TP63: variants seen among roughly 807,000 people sequenced by gnomAD.
TP63 encodes the protein tumor protein p63, also known as tumor protein 63.
TP63 carries 17 observed loss-of-function variants against 82.8 expected under a neutral mutation model. The ratio of observed to expected loss-of-function variants is 0.21; its 90% CI spans 0.14 to 0.31. The LOEUF (loss-of-function observed/expected upper bound fraction) is 0.31, where lower values mean the gene tolerates loss of function less well. Among genes scored for constraint, TP63 ranks in the 10% least tolerant of loss-of-function variants. TP63 has a pLI of 1.00. For synonymous variants in TP63, 330 were observed against 321.7 expected (o/e 1.03, Z -0.28); for missense variants, 648 against 895.3 (o/e 0.72, Z 3.52).
chr3:189,664,739 A>G (rs376144247), intron 1 of TP63, among the ~76,000 whole-genome samples: 51 of 152,260 alleles, frequency 3.3e-4, no homozygotes, highest in African/African-American at 1.2e-3. Flanking sequence ...TTGGATATTA[A>G]ACATAATAAA....
At chr3:189,634,791 A>G (rs535949514) in intron 1 of TP63, among the ~76,000 whole-genome samples, 1 of 152,206 alleles carries the variant, frequency 6.6e-6, no homozygotes, top group African/African-American at 2.4e-5. Context: ...CTTGTACACA[A>G]TAAATTCTGT....
intron 4 of TP63, among the ~76,000 whole-genome samples, chr3:189,863,172 C>G (rs964395178): frequency 6.6e-6 from 1 of 152,140 alleles, no homozygotes; most frequent in African/African-American, 2.4e-5. Flanking sequence ...ACGATTGCAA[C>G]CTGTGTGTGT....
intron 1 of TP63, among the ~76,000 whole-genome samples, chr3:189,732,800 G>A (rs1720270712): frequency 6.6e-6 from 1 of 150,922 alleles, no homozygotes; most frequent in African/African-American, 2.5e-5. Context: ...GAAATACAGA[G>A]CTGAGAGAGA....
intron 11 of TP63, 134 bp downstream of exon 11, chr3:189,886,685 T>A: frequency 7.6e-7 from 1 of 1,319,364 alleles, no homozygotes; most frequent in Non-Finnish European, 1.0e-6. Context: ...GTGGAGTGGC[T>A]TGGGTTTCTG....
rs1718444779 is a variant in TP63, at chr3:189,871,762, C to T, written c.1213-1097C>T. 2.0e-5 allele frequency among the ~76,000 whole-genome samples: 3 copies of T among 152,292 alleles called. No individual in the cohort carries two copies. The South Asian group carries it at 6.2e-4, about 32-fold the overall frequency. The stretch of plus-strand genomic sequence containing the variant: ...TTTGAAACAGGATCTCACTTTGTTG[C>T]CCAGGTTGGAGTGTAGTGGCAGGAT... On this transcript the variant is annotated intron_variant, in intron 9 of 13. Transcript: ENST00000264731.
At chr3:189,758,555 A>G (rs1722352430) in intron 3 of TP63, among the ~76,000 whole-genome samples, 1 of 152,232 alleles carries the variant, frequency 6.6e-6, no homozygotes, top group South Asian at 2.1e-4. Flanking sequence ...TGATCTTTCA[A>G]GTCACCTGCT....
chr3:189,742,270 A>T (rs9290905), intron 3 of TP63, among the ~76,000 whole-genome samples: 61,877 of 136,808 alleles, frequency 0.45, 14,635 homozygotes, highest in East Asian at 0.58. Context: ...AAAAAAAAAA[A>T]GTTACTTTAT....
intron 3 of TP63, among the ~76,000 whole-genome samples, chr3:189,764,113 G>A (rs1288675463): frequency 6.6e-6 from 1 of 152,124 alleles, no homozygotes; most frequent in Non-Finnish European, 1.5e-5. Flanking sequence ...TGTCAAAAGA[G>A]GTGGGTGTCT....
chr3:189,851,582 A>G (rs1243151293), intron 4 of TP63, among the ~76,000 whole-genome samples: 1 of 152,098 alleles, frequency 6.6e-6, no homozygotes, highest in Non-Finnish European at 1.5e-5. Flanking sequence ...CTCAAAAATA[A>G]ATAAATAAAA....
chr3:189,777,577 G>T (rs544591714), intron 3 of TP63, among the ~76,000 whole-genome samples: 1 of 151,172 alleles, frequency 6.6e-6, no homozygotes, highest in Non-Finnish European at 1.5e-5. Context: ...CCTAAATGTC[G>T]ATTTCCTCTT....
At chr3:189,857,579 A>T (rs1374914598) in intron 4 of TP63, among the ~76,000 whole-genome samples, 1 of 152,212 alleles carries the variant, frequency 6.6e-6, no homozygotes, top group African/African-American at 2.4e-5. Flanking sequence ...TTTTAAATGT[A>T]TATCTGATAA....
the TP63 span, among the ~76,000 whole-genome samples, chr3:189,611,197 C>G: frequency 6.6e-6 from 1 of 152,164 alleles, no homozygotes; most frequent in Non-Finnish European, 1.5e-5. Flanking sequence ...CTTTTGGTGT[C>G]TTTGTCATGA....
At chr3:189,810,764 G>A (rs1421766066) in intron 4 of TP63, among the ~76,000 whole-genome samples, 1 of 149,650 alleles carries the variant, frequency 6.7e-6, no homozygotes, top group Non-Finnish European at 1.5e-5. Flanking sequence ...ACTGAGAAAG[G>A]AGAATCACTT....
At chr3:189,631,961 T>C (rs1383184263) in intron 1 of TP63, among the ~76,000 whole-genome samples, 1 of 152,178 alleles carries the variant, frequency 6.6e-6, no homozygotes, top group Non-Finnish European at 1.5e-5. Context: ...TTTTGATTTA[T>C]ACATTAAGAA....
At chr3:189,807,741 A>C (rs1727068749) in intron 3 of TP63, among the ~76,000 whole-genome samples, 1 of 152,154 alleles carries the variant, frequency 6.6e-6, no homozygotes, top group African/African-American at 2.4e-5. Context: ...TGGGTGGTAC[A>C]CTCTTGGTAC....
chr3:189,807,356 A>T (rs1727027043), intron 3 of TP63, among the ~76,000 whole-genome samples: 1 of 152,224 alleles, frequency 6.6e-6, no homozygotes, highest in African/African-American at 2.4e-5. Context: ...TAATATAGTC[A>T]AGTTTTTTGT....
At chr3:189,847,466 G>T (rs80295392) in intron 4 of TP63, among the ~76,000 whole-genome samples, 72 of 152,272 alleles carry the variant, frequency 4.7e-4, no homozygotes, top group African/African-American at 1.7e-3. Flanking sequence ...GATTTGGGGG[G>T]ATCATGTAAG....
intron 3 of TP63, among the ~76,000 whole-genome samples, chr3:189,763,301 A>G (rs1463478443): frequency 6.6e-6 from 1 of 152,122 alleles, no homozygotes; most frequent in Non-Finnish European, 1.5e-5. Flanking sequence ...AAAGGAGGGT[A>G]CTGCTGGGCT....
chr3:189,777,812 C>A, intron 3 of TP63, among the ~76,000 whole-genome samples: 1 of 133,140 alleles, frequency 7.5e-6, no homozygotes. Flanking sequence ...AGTCTTTGGA[C>A]AGATGCTGAG....
Sources: gnomAD v4.1 joint callset for allele counts (sites outside exome capture counted in the v4.1 genomes callset) on GRCh38, gnomAD v4.1.1 for gene constraint, MANE v1.5 for transcripts, NCBI Gene and HGNC (gene_info 2026-07-23, HGNC 2026-07-21) for gene names.